Variants in LATS2 observed in about 807,000 individuals in gnomAD.
LATS2 encodes large tumor suppressor kinase 2, also known as serine/threonine-protein kinase LATS2.
A neutral mutation model predicts 76.0 loss-of-function variants in LATS2; 24 were observed. That is an observed-to-expected ratio of 0.32 (90% CI 0.23 to 0.44). The LOEUF is 0.44. Ranked by LOEUF, LATS2 falls within the 20% of genes least tolerant of loss-of-function variation. LATS2 has a pLI of 1.00. For missense variants in LATS2, 1,286 were observed against 1,481.2 expected (o/e 0.87, Z 2.16); for synonymous variants, 692 against 635.4 (o/e 1.09, Z -1.34).
At chr13:21,004,885 T>G (rs1163383634) in intron 2 of LATS2, among the ~76,000 whole-genome samples, 1 of 152,090 alleles carries the variant, frequency 6.6e-6, no homozygotes, top group Non-Finnish European at 1.5e-5. Context: ...AAATAAGTAA[T>G]TACACAAAAT....
chr13:20,998,705 A>G (rs145227490), intron 2 of LATS2, among the ~76,000 whole-genome samples: 2 of 152,092 alleles, frequency 1.3e-5, no homozygotes, highest in Non-Finnish European at 2.9e-5. Flanking sequence ...GCTCCCGGCG[A>G]TCTTGGGCAG....
chr13:20,988,603 G>C lies in LATS2; in HGVS notation c.1177C>G (p.His393Asp), dbSNP rs754963258. Residue 393 changes from histidine (H) to aspartate (D), a missense_variant, in exon 4 of 8, where the codon CAC (histidine) becomes GAC (aspartate). Physicochemically the swap from His to Asp is moderately conservative, Grantham distance 81. Coordinates refer to ENST00000382592, the MANE Select transcript of LATS2 (RefSeq NM_014572.3). ...GGGCAGTCAGGCCGGAAGGCCACGTGCGCGCGCGGCGGCGCCTCCAGGCCC... is the reference window on the plus strand; with the variant it reads ...GGGCAGTCAGGCCGGAAGGCCACGTCCGCGCGCGGCGGCGCCTCCAGGCCC... ...KPGLEAPPRA[H>D]VAFRPDCPVP... 5 of 1,588,842 alleles carry C rather than the reference G, an allele frequency of 3.1e-6. No individual in the cohort carries two copies. In the Admixed American group the frequency reaches 8.5e-5, roughly 27 times the overall value.
chr13:21,021,386 C>T (rs1265350929), intron 2 of LATS2, among the ~76,000 whole-genome samples: 1 of 137,542 alleles, frequency 7.3e-6, no homozygotes, highest in Non-Finnish European at 1.5e-5. Context: ...GGCAGGAGAG[C>T]TGCTTGAACC....
At chr13:21,007,760 A>ATATTTTTTT (rs1271169637) in intron 2 of LATS2, among the ~76,000 whole-genome samples, 1 of 4,558 alleles carries the variant, frequency 2.2e-4, no homozygotes, top group African/African-American at 1.1e-3. Flanking sequence ...ATATATATAT[A>ATATTTTTTT]TTTTTTTTTT....
intron 7 of LATS2, 130 bp from the exon 8 acceptor site, chr13:20,975,494 C>T: frequency 1.0e-6 from 1 of 977,596 alleles, no homozygotes; most frequent in South Asian, 1.9e-5. Flanking sequence ...TAGACACAAG[C>T]AGCAGTTGTT....
Position 21,046,012 on chromosome 13 carries a change from A to T in LATS2, c.15T>A (p.Thr5=). 1.9e-6 allele frequency: 3 copies of T among 1,613,174 alleles called. No homozygotes were observed. The highest frequency in any genetic ancestry group is 2.5e-6 in the Non-Finnish European group (3 of 1,179,126). MRPK[T]FPATTYSGNS... ...TTCCAGAATAAGTCGTGGCAGGAAA[A>T]GTCTTTGGCCTCATTGTTAGTCCAG... The change falls in exon 2 of 8, where the codon ACT becomes ACA. Residue 5 remains threonine (T), a synonymous_variant. Coordinates refer to ENST00000382592, the MANE Select transcript of LATS2 (RefSeq NM_014572.3).
intron 7 of LATS2, among the ~76,000 whole-genome samples, chr13:20,979,220 G>A (rs1869762755): frequency 6.6e-6 from 1 of 152,218 alleles, no homozygotes; most frequent in South Asian, 2.1e-4. Flanking sequence ...AAGGCTTCCA[G>A]TCAACAGGCT....
chr13:20,989,452 G>C (rs1238476699), intron 3 of LATS2, 148 bp from the exon 4 acceptor site: 2 of 789,582 alleles, frequency 2.5e-6, no homozygotes, highest in Non-Finnish European at 4.0e-6. Flanking sequence ...GCCCAGCACA[G>C]GGTCAGTGGA....
chr13:20,994,312 C>G (rs1296484239), intron 2 of LATS2, among the ~76,000 whole-genome samples: 1 of 152,204 alleles, frequency 6.6e-6, no homozygotes, highest in African/African-American at 2.4e-5. Context: ...ATCAACCCTT[C>G]TTTAGCAAGT....
In LATS2 at chr13:20,974,833, T is replaced by C. The variant is rs763115573; in HGVS notation, c.*37A>G. The C allele has an allele frequency of 7.0e-6, 11 of 1,569,936 alleles. No homozygotes were observed. The highest frequency in any genetic ancestry group is 4.4e-4 in the Middle Eastern group (2 of 4,562). ...GGGCACCGGCTCCGGGACCCTGACC[T>C]GGGAGGCAGCGAGTGGTGGGGGTGC... On this transcript the variant is annotated 3_prime_UTR_variant, in exon 8 of 8. Coordinates refer to ENST00000382592, the MANE Select transcript of LATS2 (RefSeq NM_014572.3).
chr13:21,043,898 T>C lies in LATS2; in HGVS notation c.342+1787A>G, dbSNP rs1475680281. Among the ~76,000 whole-genome samples the C allele has an allele frequency of 2.6e-5, 4 of 152,220 alleles. No homozygotes were observed. In the East Asian group the frequency reaches 7.7e-4, roughly 29 times the overall value. On this transcript the variant is annotated intron_variant, in intron 2 of 7. Coordinates refer to ENST00000382592, the MANE Select transcript of LATS2 (RefSeq NM_014572.3). ...TCTGCAAGTGATTTACAGGAGAAGA[T>C]TTTAAGCTCTGCTGTTGGCCTGAAA...
chr13:21,021,506 C>CAAAAAAA (rs1419004467), intron 2 of LATS2, among the ~76,000 whole-genome samples: 1 of 81,948 alleles, frequency 1.2e-5, no homozygotes, highest in African/African-American at 4.5e-5. Context: ...AAAAAAAAAG[C>CAAAAAAA]TTTGTAAAAG....
intron 1 of LATS2, among the ~76,000 whole-genome samples, chr13:21,051,974 A>G (rs544511310): frequency 6.7e-4 from 102 of 152,160 alleles, no homozygotes; most frequent in African/African-American, 2.1e-3. Context: ...CAGGGAGGGG[A>G]AGCTCACTGA....
Position 20,983,825 on chromosome 13 carries a change from A to G in LATS2, c.1900-19T>C, listed in dbSNP as rs1317162533. 1.3e-5 allele frequency: 20 copies of G among 1,580,794 alleles called. No homozygotes were observed. The highest frequency in any genetic ancestry group is 1.7e-5 in the Non-Finnish European group (20 of 1,160,632). On this transcript the variant is annotated intron_variant, in intron 4 of 7. Transcript: ENST00000382592. ...GTCCAGCCTGTGTAGAAGGAAAAGG[A>G]AGGAGGAAGAATCACATTAGAGAAG...
In LATS2 at chr13:20,988,270, C is replaced by T. The variant is rs538663790; in HGVS notation, c.1510G>A (p.Val504Met). 3.8e-5 allele frequency: 60 copies of T among 1,592,988 alleles called. No homozygotes were observed. In the South Asian group the frequency reaches 6.0e-4, roughly 16 times the overall value. Residue 504 changes from valine to methionine, a missense_variant, in exon 4 of 8, where the codon GTG becomes ATG. Val to Met is a conservative substitution (Grantham distance 21). Transcript: ENST00000382592. The stretch of plus-strand genomic sequence containing the variant: ...CTCCGGTCTGGGCCTCCGTACTCCA[C>T]GTCCAGCGGGAAGGCGCCTGCGCCG... Reference protein sequence around the residue: ...LGGAGAFPLDVEYGGPDRRCP... With the variant: ...LGGAGAFPLDMEYGGPDRRCP...
In LATS2 at chr13:20,974,751, G is replaced by A. The variant is rs376920019; in HGVS notation, c.*119C>T. 4.4e-4 allele frequency: 465 copies of A among 1,062,446 alleles called. 1 individual carries two copies. In the African/African-American group the frequency reaches 6.9e-3, roughly 16 times the overall value. 65.8% of individuals were successfully genotyped at this position (1,062,446 alleles called of 1,614,324 possible). Reference sequence around the variant, plus strand: ...GGTGAAGAGCAGAATTTCAAGTGAAGTAATCGACGGACTAATTTAAAACAA... The same window carrying A: ...GGTGAAGAGCAGAATTTCAAGTGAAATAATCGACGGACTAATTTAAAACAA... On this transcript the variant is annotated 3_prime_UTR_variant, in exon 8 of 8. Coordinates refer to ENST00000382592, the MANE Select transcript of LATS2 (RefSeq NM_014572.3).
intron 2 of LATS2, among the ~76,000 whole-genome samples, chr13:21,042,642 TCACCACC>T (rs1318569536): frequency 6.6e-6 from 1 of 151,726 alleles, no homozygotes; most frequent in Non-Finnish European, 1.5e-5. Flanking sequence ...AGCATTGACC[TCACCACC>T]ACACTCCAGA....
intron 2 of LATS2, among the ~76,000 whole-genome samples, chr13:21,008,237 G>A (rs918333177): frequency 3.3e-5 from 5 of 152,066 alleles, no homozygotes; most frequent in South Asian, 2.1e-4. Flanking sequence ...AGGGGTGGGC[G>A]GCTCTCCTGG....
chr13:20,983,809 G>A lies in LATS2; in HGVS notation c.1900-3C>T. 1 of 1,603,468 alleles carries A rather than the reference G, an allele frequency of 6.2e-7. No homozygotes were observed. The highest frequency in any genetic ancestry group is 1.1e-5 in the South Asian group (1 of 90,586). ...TGCTCAGCTTCACAGAGTCCAGCCTGTGTAGAAGGAAAAGGAAGGAGGAAG... is the reference window on the plus strand; with the variant it reads ...TGCTCAGCTTCACAGAGTCCAGCCTATGTAGAAGGAAAAGGAAGGAGGAAG... On this transcript the variant is annotated splice_polypyrimidine_tract_variant and splice_region_variant and intron_variant, in intron 4 of 7. Coordinates refer to ENST00000382592, the MANE Select transcript of LATS2 (RefSeq NM_014572.3).
Sources: allele counts gnomAD v4.1 joint callset (sites outside exome capture counted in the v4.1 genomes callset), GRCh38; gene constraint gnomAD v4.1.1; transcripts MANE v1.5; gene names NCBI Gene and HGNC (gene_info 2026-07-23, HGNC 2026-07-21).